Variants in PDS5A observed in about 807,000 individuals in gnomAD.
PDS5A encodes the protein sister chromatid cohesion protein PDS5 homolog A.
Under a neutral mutation model 167.1 loss-of-function variants are expected in PDS5A, and 42 were observed. The observed-to-expected ratio is 0.25, with a 90% CI of 0.20 to 0.33. PDS5A has a LOEUF of 0.33. PDS5A is among the 10% of genes least tolerant of loss of function. The pLI is 1.00. For missense variants in PDS5A, 1,033 were observed against 1,605.9 expected (o/e 0.64, Z 6.10); for synonymous variants, 553 against 554.6 (o/e 1.00, Z 0.04).
intron 2 of PDS5A, among the ~76,000 whole-genome samples, chr4:39,949,681 A>G (rs1159198982): frequency 1.3e-5 from 2 of 151,738 alleles, no homozygotes; most frequent in African/African-American, 4.8e-5. Context: ...AAAAGTTTCA[A>G]CAATTAGCTT....
intron 8 of PDS5A, 59 bp downstream of exon 8, chr4:39,916,989 T>A: frequency 9.6e-7 from 1 of 1,038,340 alleles, no homozygotes; most frequent in Non-Finnish European, 1.3e-6. Context: ...AATTTTACAT[T>A]GTGCCTGCTC....
intron 17 of PDS5A, among the ~76,000 whole-genome samples, chr4:39,886,911 T>C (rs144383454): frequency 6.6e-6 from 1 of 151,980 alleles, no homozygotes; most frequent in Non-Finnish European, 1.5e-5. Flanking sequence ...GCTTTCTTGA[T>C]TTTTCGGATT....
chr4:39,965,470 G>C (rs1167485565), intron 2 of PDS5A, among the ~76,000 whole-genome samples: 1 of 152,126 alleles, frequency 6.6e-6, no homozygotes, highest in African/African-American at 2.4e-5. Flanking sequence ...AATAAGAAAA[G>C]TTGCTCACAA....
intron 2 of PDS5A, among the ~76,000 whole-genome samples, chr4:39,972,062 T>C (rs1355301247): frequency 6.6e-6 from 1 of 152,182 alleles, no homozygotes; most frequent in Non-Finnish European, 1.5e-5. Context: ...ACGTCGATTT[T>C]AACTTCCAAA....
chr4:39,851,429 G>C (rs143744681), intron 26 of PDS5A, among the ~76,000 whole-genome samples: 1 of 152,040 alleles, frequency 6.6e-6, no homozygotes, highest in African/African-American at 2.4e-5. Context: ...TTCCTGAGTA[G>C]CTGGGGCTAC....
chr4:39,853,475 CT>C (rs1381767062), intron 26 of PDS5A, among the ~76,000 whole-genome samples: 3 of 152,298 alleles, frequency 2.0e-5, no homozygotes, highest in Middle Eastern at 3.4e-3. Context: ...AATCTTTACT[CT>C]ACTCATATCT....
intron 2 of PDS5A, among the ~76,000 whole-genome samples, chr4:39,950,550 T>C (rs540237128): frequency 3.2e-4 from 49 of 151,922 alleles, no homozygotes; most frequent in African/African-American, 9.9e-4. Context: ...CTGGGCAACA[T>C]GGTGAAACCC....
chr4:39,855,413 A>G (rs1455401327), intron 26 of PDS5A, among the ~76,000 whole-genome samples: 1 of 152,232 alleles, frequency 6.6e-6, no homozygotes, highest in Non-Finnish European at 1.5e-5. Context: ...ATAGTACTTA[A>G]AATGTCCAAT....
chr4:39,945,039 A>C (rs892364769), intron 2 of PDS5A, among the ~76,000 whole-genome samples: 6 of 152,216 alleles, frequency 3.9e-5, no homozygotes, highest in African/African-American at 1.4e-4. Flanking sequence ...CGTCAGGTAC[A>C]TTTCAAATAA....
At chr4:39,954,264 G>T (rs1728693205) in intron 2 of PDS5A, among the ~76,000 whole-genome samples, 1 of 152,106 alleles carries the variant, frequency 6.6e-6, no homozygotes, top group Admixed American at 6.6e-5. Flanking sequence ...GGAGGCTGAG[G>T]TGGGAGGATT....
At chr4:39,841,905 A>C (rs533050413) in intron 31 of PDS5A, 43 bp downstream of exon 31, 34 of 1,048,488 alleles carry the variant, frequency 3.2e-5, no homozygotes, top group Non-Finnish European at 4.6e-5. Context: ...AAACTGTAAT[A>C]ATCTCCATGG....
intron 12 of PDS5A, 50 bp downstream of exon 12, chr4:39,903,990 A>C: frequency 9.5e-7 from 1 of 1,057,606 alleles, no homozygotes; most frequent in African/African-American, 1.6e-5. Context: ...ACATTTTTTA[A>C]GTAAAAAGTA....
intron 30 of PDS5A, among the ~76,000 whole-genome samples, chr4:39,843,744 G>A (rs1289096735): frequency 1.5e-5 from 2 of 135,802 alleles, no homozygotes; most frequent in Admixed American, 7.2e-5. Context: ...TAAATTGGTT[G>A]TATTATTAAC....
rs1467357116 is a variant in PDS5A, at chr4:39,913,807, T to C, written c.877-81A>G. ...ATATCTTGAAACATTCTCAAGAAGA[T>C]ACTATTTCATATTTCTGCTTATAAC... On this transcript the variant is annotated intron_variant, in intron 8 of 32. Coordinates refer to ENST00000303538, the MANE Select transcript of PDS5A (RefSeq NM_001100399.2). 3.8e-6 allele frequency: 3 copies of C among 785,056 alleles called. No individual in the cohort carries two copies. In the African/African-American group the frequency reaches 5.1e-5, roughly 13 times the overall value. 48.6% of individuals were successfully genotyped at this position (785,056 alleles called of 1,614,324 possible). A position where few individuals can be genotyped will look rare whatever the true frequency, so the allele number is the denominator to read the frequency against.
intron 21 of PDS5A, among the ~76,000 whole-genome samples, chr4:39,872,631 A>G (rs1349470104): frequency 6.6e-6 from 1 of 152,180 alleles, no homozygotes; most frequent in Non-Finnish European, 1.5e-5. Context: ...AGCCTGAGGC[A>G]CAGAGCGAGA....
intron 2 of PDS5A, among the ~76,000 whole-genome samples, chr4:39,948,173 G>A (rs975156758): frequency 7.7e-6 from 1 of 129,066 alleles, no homozygotes; most frequent in Non-Finnish European, 1.5e-5. Context: ...GATTCCTTAA[G>A]CTCAGGAGGT....
intron 2 of PDS5A, among the ~76,000 whole-genome samples, chr4:39,935,499 G>A (rs6531749): frequency 0.043 from 6,531 of 152,190 alleles, 449 homozygotes; most frequent in African/African-American, 0.15. Flanking sequence ...CTTTTGGGTC[G>A]AGGTGTTCAA....
At chr4:39,918,245 G>A (rs1724585012) in intron 7 of PDS5A, among the ~76,000 whole-genome samples, 2 of 148,418 alleles carry the variant, frequency 1.3e-5, no homozygotes, top group South Asian at 2.1e-4. Context: ...AGTATTTAAA[G>A]CTGAAGGATT....
intron 19 of PDS5A, among the ~76,000 whole-genome samples, chr4:39,876,424 T>C (rs1021899063): frequency 1.1e-4 from 16 of 152,232 alleles, no homozygotes; most frequent in Middle Eastern, 3.4e-3. Flanking sequence ...GTGAGGAAAA[T>C]GGTATGTAGT....
Sources: allele counts gnomAD v4.1 joint callset (sites outside exome capture counted in the v4.1 genomes callset), GRCh38; gene constraint gnomAD v4.1.1; transcripts MANE v1.5; gene names NCBI Gene and HGNC (gene_info 2026-07-23, HGNC 2026-07-21).